The following ANKS1B variants were observed in gnomAD, a reference collection of about 807,000 sequenced individuals.
ANKS1B encodes the protein ankyrin repeat and sterile alpha motif domain containing 1B, also known as ankyrin repeat and sterile alpha motif domain-containing protein 1B.
Under a neutral mutation model 148.3 loss-of-function variants are expected in ANKS1B, and 36 were observed. That is an observed-to-expected ratio of 0.24 (90% CI 0.19 to 0.32). ANKS1B has a LOEUF of 0.32. Among genes scored for constraint, ANKS1B ranks in the 10% least tolerant of loss-of-function variants. ANKS1B has a pLI of 1.00. For missense variants in ANKS1B, 1,157 were observed against 1,542.6 expected (o/e 0.75, Z 4.19); for synonymous variants, 542 against 560.8 (o/e 0.97, Z 0.47).
At chr12:99,106,088 G>C (rs1360295058) in intron 15 of ANKS1B, among the ~76,000 whole-genome samples, 1 of 152,154 alleles carries the variant, frequency 6.6e-6, no homozygotes. Context: ...CTTTACTAGG[G>C]ATCTCTGCAA....
intron 9 of ANKS1B, among the ~76,000 whole-genome samples, chr12:99,596,290 G>T (rs1351908237): frequency 6.6e-6 from 1 of 151,678 alleles, no homozygotes; most frequent in Non-Finnish European, 1.5e-5. Context: ...ATCTTCTCAT[G>T]GTATCATCAA....
At chr12:98,953,920 A>T (rs566651137) in intron 17 of ANKS1B, among the ~76,000 whole-genome samples, 3 of 152,268 alleles carry the variant, frequency 2.0e-5, no homozygotes, top group Middle Eastern at 3.4e-3. Context: ...TTCAAGGTCC[A>T]GCTCATGTCT....
intron 12 of ANKS1B, among the ~76,000 whole-genome samples, chr12:99,384,138 G>A (rs529017664): frequency 2.0e-5 from 3 of 152,244 alleles, no homozygotes; most frequent in South Asian, 4.1e-4. Flanking sequence ...TCTGTATATA[G>A]TAATGTGTCT....
intron 17 of ANKS1B, among the ~76,000 whole-genome samples, chr12:98,919,332 C>A (rs1311197812): frequency 6.6e-6 from 1 of 152,154 alleles, no homozygotes; most frequent in Non-Finnish European, 1.5e-5. Flanking sequence ...GCAGAATCAA[C>A]CATGGATTAC....
At chr12:99,040,961 C>T (rs1326117916) in intron 17 of ANKS1B, among the ~76,000 whole-genome samples, 1 of 152,164 alleles carries the variant, frequency 6.6e-6, no homozygotes, top group Non-Finnish European at 1.5e-5. Flanking sequence ...TCCATAGCAC[C>T]TCTTGTTCAC....
rs148771331 is a variant in ANKS1B at position 99,983,964 on chromosome 12, T to C, written c.134+140A>G. On this transcript the variant is annotated intron_variant, in intron 1 of 26. Coordinates refer to ENST00000683438, the MANE Select transcript of ANKS1B (RefSeq NM_001352186.2). ...CTGGGAGGCTCATACCTCCTCTCCA[T>C]ACACGCAGTCTGTTTTCCTACCTAA... is the stretch of plus-strand genomic sequence containing the variant. The C allele has an allele frequency of 7.7e-3, 5,617 of 725,496 alleles. 51 individuals carry two copies. Among genetic ancestry groups the C allele is most frequent in the South Asian group, 0.018 (858 of 47,734 alleles). The allele number at this position is 725,496 out of a possible 1,614,324, so 44.9% of individuals were successfully genotyped here. A position where few individuals can be genotyped will look rare whatever the true frequency, so the allele number is the denominator to read the frequency against.
intron 8 of ANKS1B, among the ~76,000 whole-genome samples, chr12:99,656,739 T>TA (rs1433494602): frequency 1.4e-5 from 2 of 148,046 alleles, no homozygotes; most frequent in East Asian, 3.9e-4. Flanking sequence ...GCTGAATACT[T>TA]AGCAGACTCA....
At chr12:98,886,352 C>T (rs1038367194) in intron 17 of ANKS1B, among the ~76,000 whole-genome samples, 36 of 152,060 alleles carry the variant, frequency 2.4e-4, no homozygotes, top group Non-Finnish European at 5.0e-4. Flanking sequence ...ATTACTGACA[C>T]AGAAGAAAGG....
At chr12:99,706,553 C>T (rs546246658) in intron 8 of ANKS1B, 75 of 152,164 alleles carry the variant, frequency 4.9e-4, no homozygotes, top group Middle Eastern at 3.4e-3. Context: ...TCTGAAATTA[C>T]CCCCAATTAT....
intron 12 of ANKS1B, among the ~76,000 whole-genome samples, chr12:99,286,806 C>T (rs151013547): frequency 2.4e-4 from 37 of 152,232 alleles, no homozygotes; most frequent in Non-Finnish European, 4.0e-4. Context: ...GTGGCCACAG[C>T]GAGAGACTTC....
rs934805673 is a variant in ANKS1B, at chr12:99,984,253, C to G, written c.-16G>C. 1 of 1,609,546 alleles carries G rather than the reference C, an allele frequency of 6.2e-7. No homozygotes were observed. The highest frequency in any genetic ancestry group is 1.1e-5 in the South Asian group (1 of 90,594). ...CCTTCCCCATAGTCTCTCACCGACT[C>G]CCCCACAGAGTCCTTGCCCCCCTCG... On this transcript the variant is annotated 5_prime_UTR_variant, in exon 1 of 27. Transcript: ENST00000683438.
At chr12:99,035,128 C>T (rs1487108303) in intron 17 of ANKS1B, among the ~76,000 whole-genome samples, 2 of 152,120 alleles carry the variant, frequency 1.3e-5, no homozygotes, top group African/African-American at 4.8e-5. Flanking sequence ...TTCTCAGTCC[C>T]ATTCTCTCCT....
At chr12:99,571,792 C>G (rs2097458668) in intron 9 of ANKS1B, among the ~76,000 whole-genome samples, 1 of 151,984 alleles carries the variant, frequency 6.6e-6, no homozygotes, top group East Asian at 1.9e-4. Flanking sequence ...GTTCAAGCAT[C>G]TGAAACAAAA....
Position 98,920,365 on chromosome 12 carries a change from AT to A in ANKS1B, c.2779-88230del, listed in dbSNP as rs1415254530. The stretch of plus-strand genomic sequence containing the variant: ...AATATTACTGTATTAGTCCGTTTTC[AT>A]GCTGCTGATAAAGACATACCTGAGA... On this transcript the variant is annotated intron_variant, in intron 17 of 26. Coordinates refer to ENST00000683438, the MANE Select transcript of ANKS1B (RefSeq NM_001352186.2). 2.6e-5 allele frequency among the ~76,000 whole-genome samples: 4 copies of A among 152,188 alleles called. No individual in the cohort carries two copies. In the East Asian group the frequency reaches 7.7e-4, roughly 29 times the overall value.
chr12:99,861,227 A>T (rs2089975737), intron 1 of ANKS1B, among the ~76,000 whole-genome samples: 1 of 152,210 alleles, frequency 6.6e-6, no homozygotes, highest in Admixed American at 6.5e-5. Flanking sequence ...TTATAATGCA[A>T]ATCATTCTTT....
chr12:99,401,766 G>A (rs1362089797), intron 11 of ANKS1B, among the ~76,000 whole-genome samples: 2 of 146,672 alleles, frequency 1.4e-5, no homozygotes, highest in African/African-American at 5.2e-5. Flanking sequence ...GCAATCCAAT[G>A]ATTATGCTTC....
At chr12:98,774,860 G>A (rs2098652375) in intron 24 of ANKS1B, among the ~76,000 whole-genome samples, 1 of 152,170 alleles carries the variant, frequency 6.6e-6, no homozygotes, top group African/African-American at 2.4e-5. Context: ...CATTAATGCA[G>A]TGCTCTGTCA....
intron 12 of ANKS1B, among the ~76,000 whole-genome samples, chr12:99,307,193 T>C (rs955635061): frequency 6.6e-6 from 1 of 152,102 alleles, no homozygotes; most frequent in East Asian, 1.9e-4. Flanking sequence ...TAATTGTGAT[T>C]GTTGGATTCT....
intron 1 of ANKS1B, among the ~76,000 whole-genome samples, chr12:99,913,955 G>GTAGGAGACC (rs933178177): frequency 6.6e-6 from 1 of 152,160 alleles, no homozygotes; most frequent in African/African-American, 2.4e-5. Flanking sequence ...GTTAGACCTT[G>GTAGGAGACC]TAGGAGACCC....
Sources: allele counts gnomAD v4.1 joint callset (sites outside exome capture counted in the v4.1 genomes callset), GRCh38; gene constraint gnomAD v4.1.1; transcripts MANE v1.5; gene names NCBI Gene and HGNC (gene_info 2026-07-23, HGNC 2026-07-21).